ZNF385D: variants seen among roughly 807,000 people sequenced by gnomAD.
The protein encoded by ZNF385D is zinc finger protein 385D, also known as zinc finger protein 659.
ZNF385D carries 15 observed loss-of-function variants against 35.8 expected under a neutral mutation model. That is an observed-to-expected ratio of 0.42 (90% CI 0.28 to 0.64). The LOEUF (loss-of-function observed/expected upper bound fraction) is 0.64, where lower values mean the gene tolerates loss of function less well. Among genes scored for constraint, ZNF385D ranks in the 30% least tolerant of loss-of-function variants. The pLI is 0.23. For missense variants in ZNF385D, 474 were observed against 494.6 expected (o/e 0.96, Z 0.39); for synonymous variants, 212 against 186.8 (o/e 1.13, Z -1.10).
chr3:21,859,407 G>GA (rs35618611), intron 3 of ZNF385D, among the ~76,000 whole-genome samples: 4,590 of 135,910 alleles, frequency 0.034, 72 homozygotes, highest in African/African-American at 0.06. Context: ...GAAAGTAACA[G>GA]AAAAAAAAAA....
intron 2 of ZNF385D, among the ~76,000 whole-genome samples, chr3:21,573,170 T>C (rs2063383702): frequency 6.6e-6 from 1 of 152,172 alleles, no homozygotes; most frequent in African/African-American, 2.4e-5. Context: ...AGGAAATGTC[T>C]ACACCCTCTA....
chr3:21,613,745 A>G (rs1009085692), intron 2 of ZNF385D, among the ~76,000 whole-genome samples: 1 of 152,250 alleles, frequency 6.6e-6, no homozygotes, highest in African/African-American at 2.4e-5. Context: ...AAGCATGTGA[A>G]TGAATCATAG....
chr3:22,034,178 G>A (rs957402250), intron 3 of ZNF385D, among the ~76,000 whole-genome samples: 2 of 152,156 alleles, frequency 1.3e-5, no homozygotes, highest in African/African-American at 4.8e-5. Flanking sequence ...ATAAGATGAG[G>A]ACTTTGGGAG....
At chr3:21,832,969 A>T (rs1695096310) in intron 3 of ZNF385D, among the ~76,000 whole-genome samples, 1 of 152,190 alleles carries the variant, frequency 6.6e-6, no homozygotes, top group East Asian at 1.9e-4. Context: ...ATAAAAATCA[A>T]TCTTATTTCT....
chr3:21,501,071 G>T (rs1468328671), intron 4 of ZNF385D, among the ~76,000 whole-genome samples: 1 of 152,064 alleles, frequency 6.6e-6, no homozygotes, highest in Non-Finnish European at 1.5e-5. Context: ...TTTTTCGCAG[G>T]CTACATGAAT....
chr3:22,038,486 G>C (rs1357240339), intron 3 of ZNF385D, among the ~76,000 whole-genome samples: 1 of 152,198 alleles, frequency 6.6e-6, no homozygotes, highest in South Asian at 2.1e-4. Flanking sequence ...ATGGAGACTG[G>C]AGCAGAGGTA....
chr3:22,006,269 C>G (rs1204856565), intron 3 of ZNF385D, among the ~76,000 whole-genome samples: 2 of 152,058 alleles, frequency 1.3e-5, no homozygotes, highest in African/African-American at 4.8e-5. Context: ...AACTGTCATC[C>G]TTGTTGATCT....
chr3:22,192,669 C>T (rs941082169), intron 2 of ZNF385D, among the ~76,000 whole-genome samples: 3 of 152,112 alleles, frequency 2.0e-5, no homozygotes, highest in Non-Finnish European at 2.9e-5. Context: ...TGACTACAAC[C>T]TCATGAAAAA....
chr3:22,092,724 A>G (rs1285304069), intron 3 of ZNF385D, among the ~76,000 whole-genome samples: 8 of 152,052 alleles, frequency 5.3e-5, no homozygotes, highest in Admixed American at 4.6e-4. Flanking sequence ...ACAGTTAATA[A>G]TTTTTGATAT....
intron 3 of ZNF385D, among the ~76,000 whole-genome samples, chr3:21,892,792 G>A (rs540234700): frequency 2.0e-5 from 3 of 152,106 alleles, no homozygotes; most frequent in East Asian, 3.9e-4. Context: ...GCAAGATAAC[G>A]CCAAGAAATA....
chr3:22,352,173 C>G (rs1236848701), intron 2 of ZNF385D, among the ~76,000 whole-genome samples: 1 of 152,124 alleles, frequency 6.6e-6, no homozygotes, highest in Admixed American at 6.5e-5. Context: ...ATTTACAATC[C>G]TTACTTTTCC....
chr3:22,123,937 T>TCC (rs1703256303), intron 3 of ZNF385D, among the ~76,000 whole-genome samples: 1 of 93,706 alleles, frequency 1.1e-5, no homozygotes, highest in Non-Finnish European at 2.2e-5. Context: ...TCTCTCTCTC[T>TCC]CTCTCTCTCT....
intron 3 of ZNF385D, chr3:21,958,837 T>A (rs1304971215): frequency 6.6e-6 from 1 of 152,140 alleles, no homozygotes; most frequent in Non-Finnish European, 1.5e-5. Context: ...AACAGATCCA[T>A]CTACAAGTAT....
intron 2 of ZNF385D, among the ~76,000 whole-genome samples, chr3:21,592,828 G>A (rs1406467069): frequency 6.6e-6 from 1 of 152,144 alleles, no homozygotes; most frequent in Non-Finnish European, 1.5e-5. Context: ...TTCCACAAGG[G>A]AAAAGCATTC....
intron 2 of ZNF385D, among the ~76,000 whole-genome samples, chr3:21,654,865 C>G (rs1231280531): frequency 6.6e-6 from 1 of 151,942 alleles, no homozygotes; most frequent in Admixed American, 6.6e-5. Flanking sequence ...AGTCATGAAA[C>G]AAATATACTT....
chr3:21,775,612 A>C (rs1208792375), intron 3 of ZNF385D, among the ~76,000 whole-genome samples: 1 of 152,026 alleles, frequency 6.6e-6, no homozygotes. Context: ...TCCGTAACTT[A>C]TCATGATGAT....
At chr3:22,086,018 A>C (rs1348389681) in intron 3 of ZNF385D, among the ~76,000 whole-genome samples, 5 of 152,070 alleles carry the variant, frequency 3.3e-5, no homozygotes, top group African/African-American at 1.2e-4. Context: ...CATGCTAAAA[A>C]CTCTCAATAA....
intron 3 of ZNF385D, among the ~76,000 whole-genome samples, chr3:21,995,646 C>G (rs114210129): frequency 6.6e-6 from 1 of 151,858 alleles, no homozygotes; most frequent in African/African-American, 2.4e-5. Flanking sequence ...TGAGACAAGT[C>G]CATCCCCATA....
intron 3 of ZNF385D, among the ~76,000 whole-genome samples, chr3:22,022,150 A>G (rs537227381): frequency 6.6e-6 from 1 of 152,270 alleles, no homozygotes; most frequent in South Asian, 2.1e-4. Context: ...CCATAAATAC[A>G]TCACCTAGAA....
Sources: allele counts gnomAD v4.1 joint callset (sites outside exome capture counted in the v4.1 genomes callset), GRCh38; gene constraint gnomAD v4.1.1; transcripts MANE v1.5; gene names NCBI Gene and HGNC (gene_info 2026-07-23, HGNC 2026-07-21).